The following DAGLB variants were observed in gnomAD, a reference collection of about 807,000 sequenced individuals.
DAGLB encodes the protein diacylglycerol lipase-beta.
A neutral mutation model predicts 72.1 loss-of-function variants in DAGLB; 66 were observed. The ratio of observed to expected loss-of-function variants is 0.92; its 90% CI spans 0.75 to 1.12. The LOEUF is 1.12. DAGLB is among the 50% of genes most tolerant of loss of function. The probability of loss-of-function intolerance (pLI) is 0.00; values close to 1 mark genes in which losing one functional copy is unlikely to be tolerated. For synonymous variants in DAGLB, 414 were observed against 359.5 expected (o/e 1.15, Z -1.71); for missense variants, 1,065 against 884.9 (o/e 1.20, Z -2.58).
At chr7:6,421,914 C>A (rs1784139117) in intron 8 of DAGLB, 110 bp from the exon 9 acceptor site, 1 of 1,218,220 alleles carries the variant, frequency 8.2e-7, no homozygotes, top group Non-Finnish European at 1.2e-6. Flanking sequence ...GGGGATGGCA[C>A]CATCTCCTAG....
chr7:6,417,302 A>G (rs926616044), intron 9 of DAGLB: 2 of 167,682 alleles, frequency 1.2e-5, no homozygotes, highest in Non-Finnish European at 2.6e-5. Flanking sequence ...GCGAGCGCCT[A>G]TAGTCCAGCT....
At chr7:6,411,449 C>T (rs35745599) in intron 13 of DAGLB, among the ~76,000 whole-genome samples, 25,217 of 152,162 alleles carry the variant, frequency 0.17, 2,488 homozygotes, top group East Asian at 0.23. Flanking sequence ...TGGTAAGACC[C>T]TGTCTCTACA....
At chr7:6,432,724 A>C in intron 5 of DAGLB, 113 bp downstream of exon 5, 2 of 1,264,050 alleles carry the variant, frequency 1.6e-6, no homozygotes, top group African/African-American at 1.8e-5. Flanking sequence ...GAGGGAGGGG[A>C]AAGGGGAATG....
chr7:6,440,492 T>G (rs10225406), intron 2 of DAGLB, among the ~76,000 whole-genome samples: 9,351 of 152,300 alleles, frequency 0.061, 783 homozygotes, highest in African/African-American at 0.18. Flanking sequence ...CCTCCACATC[T>G]TGTGATGTTC....
intron 11 of DAGLB, 167 bp downstream of exon 11, chr7:6,416,460 C>T (rs13235365): frequency 0.24 from 232,988 of 972,006 alleles, 29,811 homozygotes; most frequent in Non-Finnish European, 0.26. Flanking sequence ...GAAGAACCGC[C>T]TGAACCTGGG....
chr7:6,436,542 C>CA lies in DAGLB; in HGVS notation c.248-10dup, dbSNP rs775446744. 2.5e-6 allele frequency: 4 copies of CA among 1,612,744 alleles called. No individual in the cohort carries two copies. Among genetic ancestry groups the CA allele is most frequent in the Middle Eastern group, 1.7e-4 (1 of 6,060 alleles). On this transcript the variant is annotated splice_polypyrimidine_tract_variant and intron_variant, in intron 2 of 14. Coordinates refer to ENST00000297056, the MANE Select transcript of DAGLB (RefSeq NM_139179.4). Reference sequence around the variant, plus strand: ...AGGGTTACAAATCGTTCCTGAAATACAAAAAACGTTCCGACTGCTCAGTTG... The same window carrying CA: ...AGGGTTACAAATCGTTCCTGAAATACAAAAAAACGTTCCGACTGCTCAGTTG...
intron 2 of DAGLB, among the ~76,000 whole-genome samples, chr7:6,441,574 C>A (rs1490280074): frequency 2.0e-5 from 3 of 150,758 alleles, no homozygotes; most frequent in African/African-American, 4.9e-5. Flanking sequence ...CCCGCCACCA[C>A]GCCCAGCTAA....
chr7:6,417,218 C>G (rs1783947654), intron 9 of DAGLB: 2 of 261,466 alleles, frequency 7.6e-6, no homozygotes, highest in South Asian at 1.1e-4. Flanking sequence ...GACATAGTCT[C>G]TACTAAAATA....
chr7:6,432,487 C>A (rs1470521670), intron 5 of DAGLB, among the ~76,000 whole-genome samples: 3 of 150,602 alleles, frequency 2.0e-5, no homozygotes, highest in African/African-American at 7.3e-5. Flanking sequence ...GAAACCCCGT[C>A]TCTACTAAAA....
Position 6,424,775 on chromosome 7 carries a change from C to T in DAGLB, c.1117G>A (p.Val373Met). Residue 373 changes from valine to methionine, a missense_variant, in exon 8 of 15, where the codon GTG becomes ATG. Coordinates refer to ENST00000297056, the MANE Select transcript of DAGLB (RefSeq NM_139179.4). Reference sequence around the variant, plus strand: ...ACCTGCAGAGACATGGTCCCCCTCACAGCGACCACAACAGACTCTTTCCTG... The same window carrying T: ...ACCTGCAGAGACATGGTCCCCCTCATAGCGACCACAACAGACTCTTTCCTG... ...DHRKESVVVAVRGTMSLQDVL... is the reference protein window; with the variant it reads ...DHRKESVVVAMRGTMSLQDVL... 4.3e-6 allele frequency: 7 copies of T among 1,613,864 alleles called. No homozygotes were observed. Among genetic ancestry groups the T allele is most frequent in the Non-Finnish European group, 5.9e-6 (7 of 1,179,880 alleles).
At chr7:6,445,888 A>G (rs1006192023) in intron 2 of DAGLB, 65 bp downstream of exon 2, 2 of 1,479,014 alleles carry the variant, frequency 1.4e-6, no homozygotes, top group African/African-American at 1.4e-5. Context: ...ATTGTATGGT[A>G]TGTGAATTAT....
intron 9 of DAGLB, 72 bp from the exon 10 acceptor site, chr7:6,416,993 G>A (rs1783939814): frequency 6.5e-7 from 1 of 1,532,530 alleles, no homozygotes. Flanking sequence ...TCAAAGATGG[G>A]ATGACGCTGT....
In DAGLB at chr7:6,421,843, G is replaced by C. The variant is rs749043422; in HGVS notation, c.1141-39C>G. On this transcript the variant is annotated intron_variant, in intron 8 of 14. Transcript: ENST00000297056. The stretch of plus-strand genomic sequence containing the variant: ...GTTGCAGAAGCGGCCGTCAGCCTGT[G>C]ATGGGCAGGGTGGGAGAATGACAGG... 27 of 1,603,198 alleles carry C rather than the reference G, an allele frequency of 1.7e-5. No homozygotes were observed. In the African/African-American group the frequency reaches 3.1e-4, roughly 18 times the overall value.
At position 6,409,638 on chromosome 7, in the gene DAGLB, C is replaced by T. The variant is rs1288638826; in HGVS notation, c.*199G>A. Reference sequence around the variant, plus strand: ...GGAGTCGTCCTATCACCTGAGCGTGCTCACTACTTCTGCTACCATTATGGC... The same window carrying T: ...GGAGTCGTCCTATCACCTGAGCGTGTTCACTACTTCTGCTACCATTATGGC... On this transcript the variant is annotated 3_prime_UTR_variant, in exon 15 of 15. Transcript: ENST00000297056. 4.4e-6 allele frequency: 3 copies of T among 674,860 alleles called. No individual in the cohort carries two copies. The highest frequency in any genetic ancestry group is 3.6e-5 in the African/African-American group (2 of 55,194). The allele number at this position is 674,860 out of a possible 1,614,324, so 41.8% of individuals were successfully genotyped here.
At chr7:6,415,844 CAA>C (rs145952398) in intron 11 of DAGLB, among the ~76,000 whole-genome samples, 21 of 81,966 alleles carry the variant, frequency 2.6e-4, no homozygotes, top group Admixed American at 5.3e-4. Context: ...GACTCCGTCT[CAA>C]AAAAAAAAAA....
chr7:6,447,825 G>A lies in DAGLB; in HGVS notation c.18C>T (p.Leu6=), dbSNP rs1361831648. 9 of 1,612,698 alleles carry A rather than the reference G, an allele frequency of 5.6e-6. No individual in the cohort carries two copies. Among genetic ancestry groups the A allele is most frequent in the Non-Finnish European group, 1.7e-6 (2 of 1,179,542 alleles). Residue 6 remains leucine (L), a synonymous_variant, in exon 1 of 15, where the codon CTC becomes CTT. Transcript: ENST00000297056. ...TGGCGATGGCCCAGCGCCGGCCGAAGAGTACCATCCCCGGCATGGCGAAGG... is the reference window on the plus strand; with the variant it reads ...TGGCGATGGCCCAGCGCCGGCCGAAAAGTACCATCCCCGGCATGGCGAAGG... MPGMV[L]FGRRWAIASD...
chr7:6,433,039 G>C, intron 4 of DAGLB, 80 bp from the exon 5 acceptor site: 3 of 1,539,706 alleles, frequency 1.9e-6, no homozygotes, highest in South Asian at 2.5e-5. Context: ...GTCTTCTATA[G>C]TTGATAGGCA....
chr7:6,445,454 G>A (rs941258891), intron 2 of DAGLB, among the ~76,000 whole-genome samples: 1 of 152,152 alleles, frequency 6.6e-6, no homozygotes, highest in Non-Finnish European at 1.5e-5. Context: ...ATTAGTGAAT[G>A]CTTAGGGTTG....
rs753240993 is a variant in DAGLB, at chr7:6,436,378, C to T, written c.403G>A (p.Ala135Thr). 31 of 1,609,316 alleles carry T rather than the reference C, an allele frequency of 1.9e-5. No homozygotes were observed. The highest frequency in any genetic ancestry group is 1.7e-4 in the South Asian group (15 of 90,294). ...CDRTVVNGII[A>T]TVVVSWIIIA... ...AGATGTCACCTGACCACGACGGTTG[C>T]GATGATGCCGTTTACAACTGTCCTG... Residue 135 changes from alanine to threonine, a missense_variant, in exon 3 of 15, where the codon GCA becomes ACA. Transcript: ENST00000297056.
Sources: gnomAD v4.1 joint callset for allele counts (sites outside exome capture counted in the v4.1 genomes callset) on GRCh38, gnomAD v4.1.1 for gene constraint, MANE v1.5 for transcripts, NCBI Gene and HGNC (gene_info 2026-07-23, HGNC 2026-07-21) for gene names.